The following ZNF827 variants were observed in gnomAD, a reference collection of about 807,000 sequenced individuals.
The protein encoded by ZNF827 is zinc finger protein 827.
Under a neutral mutation model 102.4 loss-of-function variants are expected in ZNF827, and 13 were observed. The ratio of observed to expected loss-of-function variants is 0.13; its 90% CI spans 0.08 to 0.20. The LOEUF is 0.20. Ranked by LOEUF, ZNF827 falls within the 10% of genes least tolerant of loss-of-function variation. The pLI, the probability that ZNF827 is intolerant of heterozygous loss-of-function variation, is 1.00. For synonymous variants in ZNF827, 523 were observed against 536.2 expected, an observed-to-expected ratio of 0.98 and a Z score of 0.34; for missense variants, 1,103 against 1,344.4, an observed-to-expected ratio of 0.82 and a Z score of 2.81.
intron 11 of ZNF827, among the ~76,000 whole-genome samples, chr4:145,766,059 T>A (rs1306473165): frequency 6.6e-6 from 1 of 152,206 alleles, no homozygotes; most frequent in Non-Finnish European, 1.5e-5. Context: ...CTTTAAATTA[T>A]CTCATTTTGT....
At chr4:145,805,625 G>C (rs572920684) in intron 8 of ZNF827, among the ~76,000 whole-genome samples, 1 of 152,268 alleles carries the variant, frequency 6.6e-6, no homozygotes, top group South Asian at 2.1e-4. Context: ...GATTAAACAG[G>C]AAAGAGTTAA....
chr4:145,791,979 G>A (rs1347807477), intron 8 of ZNF827, among the ~76,000 whole-genome samples: 2 of 151,474 alleles, frequency 1.3e-5, no homozygotes, highest in Non-Finnish European at 2.9e-5. Context: ...CACAATTCTA[G>A]CTGTGTCCAT....
At chr4:145,864,876 A>C (rs564694129) in intron 5 of ZNF827, among the ~76,000 whole-genome samples, 94 of 152,352 alleles carry the variant, frequency 6.2e-4, no homozygotes, top group African/African-American at 2.2e-3. Context: ...AAATGTGAGA[A>C]GGCAGTAACA....
intron 2 of ZNF827, among the ~76,000 whole-genome samples, chr4:145,896,179 A>G (rs1157257792): frequency 6.6e-6 from 1 of 152,230 alleles, no homozygotes; most frequent in Non-Finnish European, 1.5e-5. Context: ...AGTGACAATA[A>G]ACAAACTCTA....
chr4:145,928,781 T>G (rs1753606653), intron 1 of ZNF827, among the ~76,000 whole-genome samples: 1 of 152,174 alleles, frequency 6.6e-6, no homozygotes, highest in African/African-American at 2.4e-5. Flanking sequence ...TGCTGGGGAA[T>G]GCAGAACAGT....
chr4:145,856,985 GCACACA>G (rs70956877), intron 5 of ZNF827, among the ~76,000 whole-genome samples: 79 of 140,138 alleles, frequency 5.6e-4, no homozygotes, highest in Middle Eastern at 3.7e-3. Context: ...GCACGCGCAC[GCACACA>G]CACACACACA....
At chr4:145,885,588 T>C in intron 4 of ZNF827, 90 bp downstream of exon 4, 1 of 1,460,448 alleles carries the variant, frequency 6.8e-7, no homozygotes, top group Non-Finnish European at 9.0e-7. Flanking sequence ...ATTTTACAAA[T>C]AAGAATACTG....
At chr4:145,779,352 A>G in intron 9 of ZNF827, 22 bp downstream of exon 9, 1 of 1,611,082 alleles carries the variant, frequency 6.2e-7, no homozygotes, top group African/African-American at 1.3e-5. Flanking sequence ...GAGGGCTGAC[A>G]GCCCAGGCCC....
intron 6 of ZNF827, among the ~76,000 whole-genome samples, chr4:145,848,210 A>T (rs1186503759): frequency 6.6e-6 from 1 of 152,198 alleles, no homozygotes; most frequent in African/African-American, 2.4e-5. Context: ...CCTGTTTTGG[A>T]GCTTGCAAAG....
intron 5 of ZNF827, among the ~76,000 whole-genome samples, chr4:145,859,753 G>A (rs1454052623): frequency 6.6e-6 from 1 of 152,182 alleles, no homozygotes; most frequent in Non-Finnish European, 1.5e-5. Context: ...GCAGGGGGAA[G>A]AGGACGCAAC....
At chr4:145,798,732 G>A (rs1740610634) in intron 8 of ZNF827, among the ~76,000 whole-genome samples, 1 of 152,142 alleles carries the variant, frequency 6.6e-6, no homozygotes, top group South Asian at 2.1e-4. Context: ...CTTTAGCCAT[G>A]TTAAATATTA....
intron 4 of ZNF827, among the ~76,000 whole-genome samples, chr4:145,879,610 C>T (rs1250495287): frequency 6.6e-6 from 1 of 152,138 alleles, no homozygotes; most frequent in Non-Finnish European, 1.5e-5. Flanking sequence ...TACCCCAAGT[C>T]TTGGTTTTCT....
chr4:145,765,791 TTA>T lies in ZNF827; in HGVS notation c.2861-55_2861-54del. On this transcript the variant is annotated intron_variant, in intron 11 of 14. Coordinates refer to ENST00000508784, the MANE Select transcript of ZNF827 (RefSeq NM_001306215.2). This position sits in a 1 kb window ranked among gnomAD's most constrained non-coding sequence, Gnocchi z 4.7. ...GTTAATGAGATGAAAATCCTCAGAA[TTA>T]TAGCAACTGAGGGTGACGAGTTGAG... 6.4e-7 allele frequency: 1 copy of T among 1,558,446 alleles called. No individual in the cohort carries two copies. Among genetic ancestry groups the T allele is most frequent in the African/African-American group, 1.4e-5 (1 of 73,644 alleles).
chr4:145,817,155 T>C (rs1465758317), intron 8 of ZNF827, among the ~76,000 whole-genome samples: 1 of 152,168 alleles, frequency 6.6e-6, no homozygotes, highest in Non-Finnish European at 1.5e-5. Context: ...TAAAAGCCCT[T>C]CTCATCCCCA....
chr4:145,772,525 A>C (rs1184045829), intron 11 of ZNF827, among the ~76,000 whole-genome samples: 1 of 152,206 alleles, frequency 6.6e-6, no homozygotes, highest in Non-Finnish European at 1.5e-5. Flanking sequence ...TGTTTTTATA[A>C]ATAAAGTTTT....
intron 1 of ZNF827, among the ~76,000 whole-genome samples, chr4:145,923,902 A>G (rs182206530): frequency 1.2e-4 from 18 of 152,336 alleles, no homozygotes; most frequent in African/African-American, 4.3e-4. Flanking sequence ...AGGTCCTAAA[A>G]CCAAAATGTT....
chr4:145,793,313 ATATATAATATATATCT>A (rs1381446127), intron 8 of ZNF827, among the ~76,000 whole-genome samples: 3 of 137,208 alleles, frequency 2.2e-5, no homozygotes. Context: ...ATATATACTT[ATATATAATATATATCT>A]TATATATATA....
intron 5 of ZNF827, among the ~76,000 whole-genome samples, chr4:145,868,817 G>A (rs1748430733): frequency 6.6e-6 from 1 of 152,186 alleles, no homozygotes; most frequent in Non-Finnish European, 1.5e-5. Flanking sequence ...GGGAGACAGG[G>A]GTCACTGTTG....
At chr4:145,779,651 T>A (rs1161802419) in intron 8 of ZNF827, 140 bp from the exon 9 acceptor site, 1 of 1,205,434 alleles carries the variant, frequency 8.3e-7, no homozygotes, top group African/African-American at 1.5e-5. Context: ...TAACTGGTTT[T>A]CCTGCTCATT....
Sources: gnomAD v4.1 joint callset for allele counts (sites outside exome capture counted in the v4.1 genomes callset) on GRCh38, gnomAD v4.1.1 for gene constraint, Gnocchi (gnomAD v3.1) non-coding constraint, MANE v1.5 for transcripts, NCBI Gene and HGNC (gene_info 2026-07-23, HGNC 2026-07-21) for gene names.